CNTNAP4: variants seen among roughly 807,000 people sequenced by gnomAD.
The protein encoded by CNTNAP4 is contactin associated protein family member 4.
Under a neutral mutation model 148.4 loss-of-function variants are expected in CNTNAP4, and 98 were observed. The ratio of observed to expected loss-of-function variants is 0.66; its 90% CI spans 0.56 to 0.78. CNTNAP4 has a LOEUF of 0.78. Among genes scored for constraint, CNTNAP4 ranks in the 30% least tolerant of loss-of-function variants. CNTNAP4 has a pLI of 0.00. For synonymous variants in CNTNAP4, 730 were observed against 565.1 expected (o/e 1.29, Z -4.14); for missense variants, 1,935 against 1,565.6 (o/e 1.24, Z -3.98).
chr16:76,295,035 C>T (rs746363913), intron 1 of CNTNAP4, among the ~76,000 whole-genome samples: 2 of 152,144 alleles, frequency 1.3e-5, no homozygotes, highest in African/African-American at 2.4e-5. Context: ...TCTTACAGCT[C>T]ACCCTGGCTT....
chr16:76,389,788 C>T (rs1412886782), intron 3 of CNTNAP4, among the ~76,000 whole-genome samples: 1 of 151,996 alleles, frequency 6.6e-6, no homozygotes, highest in African/African-American at 2.4e-5. Context: ...TATGGGAACC[C>T]GATCTCAGAA....
chr16:76,307,540 A>ATATATATATAT (rs1960623693), intron 1 of CNTNAP4, among the ~76,000 whole-genome samples: 3 of 82,462 alleles, frequency 3.6e-5, no homozygotes, highest in African/African-American at 5.8e-5. Context: ...ATATATATAT[A>ATATATATATAT]CCAAACTCCA....
intron 15 of CNTNAP4, among the ~76,000 whole-genome samples, chr16:76,520,755 G>A (rs1333675071): frequency 6.6e-6 from 1 of 152,172 alleles, no homozygotes; most frequent in Non-Finnish European, 1.5e-5. Context: ...TTTGTTTAAA[G>A]CAGGTAAGTG....
intron 2 of CNTNAP4, among the ~76,000 whole-genome samples, chr16:76,325,987 T>G (rs914930359): frequency 1.3e-5 from 2 of 152,128 alleles, no homozygotes; most frequent in Non-Finnish European, 2.9e-5. Flanking sequence ...TAAAAATGTT[T>G]CAACAAAGAA....
intron 12 of CNTNAP4, among the ~76,000 whole-genome samples, chr16:76,485,623 C>G (rs1420551330): frequency 6.6e-6 from 1 of 152,040 alleles, no homozygotes; most frequent in African/African-American, 2.4e-5. Context: ...GTTTAGTTTC[C>G]CTGACTCAGT....
At chr16:76,517,598 A>G (rs888338498) in intron 15 of CNTNAP4, among the ~76,000 whole-genome samples, 1 of 152,202 alleles carries the variant, frequency 6.6e-6, no homozygotes, top group African/African-American at 2.4e-5. Context: ...TTTGATTTTA[A>G]AAGTACAATG....
chr16:76,520,729 G>A (rs2083421268), intron 15 of CNTNAP4, among the ~76,000 whole-genome samples: 1 of 152,078 alleles, frequency 6.6e-6, no homozygotes, highest in Non-Finnish European at 1.5e-5. Context: ...AAAATACTGT[G>A]AGCTTCTCTT....
chr16:76,309,741 T>C (rs2144021799), intron 1 of CNTNAP4: 1 of 641,258 alleles, frequency 1.6e-6, no homozygotes, highest in East Asian at 2.8e-5. Context: ...GTAATTGAAT[T>C]GGGGTTTGGG....
rs539339316 is a variant in CNTNAP4, at chr16:76,559,869, A to G, written c.*1186A>G. On this transcript the variant is annotated 3_prime_UTR_variant, in exon 24 of 24. Coordinates refer to ENST00000611870, the MANE Select transcript of CNTNAP4 (RefSeq NM_033401.5). ...CCATCAGTGATCTACACAATCAATA[A>G]TTAAACAATGCACACTCTAAGGGGA... Among the ~76,000 whole-genome samples, 72 of 152,310 alleles carry G rather than the reference A, an allele frequency of 4.7e-4. No homozygotes were observed. The highest frequency in any genetic ancestry group is 1.7e-3 in the African/African-American group (70 of 41,576).
Position 76,467,367 on chromosome 16 carries a change from G to A in CNTNAP4, c.1499G>A (p.Ser500Asn). ...TYYFGGCPDK[S>N]FGSKCKSPLG... The stretch of plus-strand genomic sequence containing the variant: ...TTTTTATCAGGTTGTCCTGACAAAA[G>A]CTTTGGATCCAAATGTAAAAGTCCA... The change falls in exon 10 of 24, where the codon AGC becomes AAC. Residue 500 changes from serine to asparagine, a missense_variant. Physicochemically the swap from Ser to Asn is conservative, Grantham distance 46. Transcript: ENST00000611870. 6.2e-7 allele frequency: 1 copy of A among 1,613,832 alleles called. No individual in the cohort carries two copies. Among genetic ancestry groups the A allele is most frequent in the Admixed American group, 1.7e-5 (1 of 60,006 alleles).
At chr16:76,305,399 C>A (rs1960375537) in intron 1 of CNTNAP4, among the ~76,000 whole-genome samples, 1 of 152,024 alleles carries the variant, frequency 6.6e-6, no homozygotes, top group Non-Finnish European at 1.5e-5. Context: ...GATTAGCTGG[C>A]ATTTTTTTTA....
Position 76,448,904 on chromosome 16 carries a change from C to G in CNTNAP4, c.880C>G (p.His294Asp), listed in dbSNP as rs1340109243. The G allele has an allele frequency of 6.2e-7, 1 of 1,613,680 alleles. No homozygotes were observed. Among genetic ancestry groups the G allele is most frequent in the South Asian group, 1.1e-5 (1 of 91,028 alleles). The change falls in exon 6 of 24, where the codon CAT (histidine) becomes GAT (aspartate). Residue 294 changes from histidine (H) to aspartate (D), a missense_variant. Coordinates refer to ENST00000611870, the MANE Select transcript of CNTNAP4 (RefSeq NM_033401.5). Reference sequence around the variant, plus strand: ...CTTCACAGTGGACGAACACAGGCATCATTTCCATGCACGGGGAGAATTCAA... The same window carrying G: ...CTTCACAGTGGACGAACACAGGCATGATTTCCATGCACGGGGAGAATTCAA... ...VNFTVDEHRH[H>D]FHARGEFNLM...
chr16:76,292,466 C>A (rs1959153031), intron 1 of CNTNAP4, among the ~76,000 whole-genome samples: 1 of 152,158 alleles, frequency 6.6e-6, no homozygotes, highest in African/African-American at 2.4e-5. Context: ...GTCTCTCCAG[C>A]CCTCAGCGGC....
At chr16:76,499,543 TTTTATTTA>T (rs906107990) in intron 15 of CNTNAP4, among the ~76,000 whole-genome samples, 23 of 152,032 alleles carry the variant, frequency 1.5e-4, no homozygotes, top group Non-Finnish European at 1.3e-4. Flanking sequence ...CCAAGTTCTT[TTTTATTTA>T]TTTATTTATT....
At chr16:76,279,355 T>G (rs1246092148) in intron 1 of CNTNAP4, among the ~76,000 whole-genome samples, 1 of 152,246 alleles carries the variant, frequency 6.6e-6, no homozygotes, top group Non-Finnish European at 1.5e-5. Flanking sequence ...TTATTTGGGC[T>G]GCTAGTTGTT....
At chr16:76,287,733 C>G (rs1958945970) in intron 1 of CNTNAP4, 1 of 152,268 alleles carries the variant, frequency 6.6e-6, no homozygotes, top group African/African-American at 2.4e-5. Context: ...TCCTTCCTCA[C>G]TGCTCCCTGT....
chr16:76,532,470 C>T (rs1233930233), intron 17 of CNTNAP4, among the ~76,000 whole-genome samples: 1 of 152,118 alleles, frequency 6.6e-6, no homozygotes, highest in Non-Finnish European at 1.5e-5. Flanking sequence ...AGTTGTTGGA[C>T]CCCAAGTTAT....
chr16:76,441,145 A>G (rs558722488), intron 4 of CNTNAP4, among the ~76,000 whole-genome samples: 1 of 152,264 alleles, frequency 6.6e-6, no homozygotes, highest in East Asian at 1.9e-4. Flanking sequence ...CGGAACTCTG[A>G]AGACAGGCAT....
At chr16:76,301,645 G>C (rs939157614) in intron 1 of CNTNAP4, among the ~76,000 whole-genome samples, 1 of 152,138 alleles carries the variant, frequency 6.6e-6, no homozygotes, top group Non-Finnish European at 1.5e-5. Context: ...GTCCAGGTCT[G>C]TTCTGCTTAC....
Sources: gnomAD v4.1 joint callset for allele counts (sites outside exome capture counted in the v4.1 genomes callset) on GRCh38, gnomAD v4.1.1 for gene constraint, MANE v1.5 for transcripts, NCBI Gene and HGNC (gene_info 2026-07-23, HGNC 2026-07-21) for gene names.